PARP15: variants seen among roughly 807,000 people sequenced by gnomAD.
PARP15 encodes protein mono-ADP-ribosyltransferase PARP15.
PARP15 carries 50 observed loss-of-function variants against 62.1 expected under a neutral mutation model. That is an observed-to-expected ratio of 0.81 (90% CI 0.64 to 1.02). The LOEUF (loss-of-function observed/expected upper bound fraction) is 1.02, where lower values mean the gene tolerates loss of function less well. Among genes scored for constraint, PARP15 ranks in the 50% least tolerant of loss-of-function variants. PARP15 has a pLI of 0.00. For synonymous variants in PARP15, 309 were observed against 293.1 expected (o/e 1.05, Z -0.55); for missense variants, 820 against 826.5 (o/e 0.99, Z 0.10).
chr3:122,620,554 T>C (rs1440916264), intron 7 of PARP15, among the ~76,000 whole-genome samples: 1 of 152,202 alleles, frequency 6.6e-6, no homozygotes, highest in Non-Finnish European at 1.5e-5. Context: ...TTAAGAAATT[T>C]CTCTGGAGTG....
chr3:122,613,490 AGAAAGAAGT>A (rs1211373864), intron 4 of PARP15, among the ~76,000 whole-genome samples: 1 of 152,238 alleles, frequency 6.6e-6, no homozygotes, highest in Non-Finnish European at 1.5e-5. Context: ...ATACATTCTT[AGAAAGAAGT>A]GGAAAGTTAT....
At chr3:122,625,411 G>A (rs1936654468) in intron 8 of PARP15, among the ~76,000 whole-genome samples, 2 of 152,084 alleles carry the variant, frequency 1.3e-5, no homozygotes, top group African/African-American at 4.8e-5. Context: ...CCGCCACCAT[G>A]GCTGGCTAAT....
At chr3:122,630,386 A>G (rs1433062506) in intron 9 of PARP15, among the ~76,000 whole-genome samples, 1 of 152,146 alleles carries the variant, frequency 6.6e-6, no homozygotes, top group Non-Finnish European at 1.5e-5. Context: ...TTTATTCCTT[A>G]TTAATATACA....
At chr3:122,600,856 C>T (rs1934731602) in intron 1 of PARP15, among the ~76,000 whole-genome samples, 2 of 150,314 alleles carry the variant, frequency 1.3e-5, no homozygotes, top group African/African-American at 2.5e-5. Flanking sequence ...AAAAATTTAG[C>T]GAAAGCGGAA....
At chr3:122,617,773 G>A (rs1472292860) in intron 6 of PARP15, among the ~76,000 whole-genome samples, 1 of 152,188 alleles carries the variant, frequency 6.6e-6, no homozygotes, top group Non-Finnish European at 1.5e-5. Context: ...CTGTCGCCCA[G>A]GCTGGAATGC....
At chr3:122,592,142 T>A (rs1933976231) in intron 1 of PARP15, among the ~76,000 whole-genome samples, 1 of 152,226 alleles carries the variant, frequency 6.6e-6, no homozygotes, top group African/African-American at 2.4e-5. Flanking sequence ...CATGCATACA[T>A]ATGTTCATTA....
At chr3:122,594,739 A>G in intron 1 of PARP15, 1 of 975,550 alleles carries the variant, frequency 1.0e-6, no homozygotes, top group Non-Finnish European at 1.2e-6. Flanking sequence ...GTTGATTTTT[A>G]CTTCTAGATG....
intron 1 of PARP15, among the ~76,000 whole-genome samples, chr3:122,584,409 A>G (rs556126549): frequency 3.3e-5 from 5 of 152,114 alleles, no homozygotes; most frequent in Middle Eastern, 3.4e-3. Context: ...ATATAATTGC[A>G]TTAGTTAGTT....
chr3:122,584,374 A>C (rs1933231868), intron 1 of PARP15, among the ~76,000 whole-genome samples: 1 of 152,010 alleles, frequency 6.6e-6, no homozygotes, highest in Non-Finnish European at 1.5e-5. Context: ...ATCTTTTTCT[A>C]TTCTATGATC....
At position 122,611,355 on chromosome 3, in the gene PARP15, C is replaced by A. The variant is rs184098971; in HGVS notation, c.543+625C>A. 2.0e-4 allele frequency among the ~76,000 whole-genome samples: 30 copies of A among 152,040 alleles called. No individual in the cohort carries two copies. In the East Asian group the frequency reaches 5.0e-3, roughly 25 times the overall value. ...GTTTTCTTCTTCTTCTTTTTGAGAC[C>A]GAGTTTCGCTCTGTTGCCCAGGCTG... On this transcript the variant is annotated intron_variant, in intron 3 of 11. Transcript: ENST00000464300.
chr3:122,586,492 G>A (rs1933439937), intron 1 of PARP15, among the ~76,000 whole-genome samples: 2 of 149,700 alleles, frequency 1.3e-5, no homozygotes, highest in African/African-American at 2.5e-5. Flanking sequence ...TTACAGGCAT[G>A]AGCCAACATG....
chr3:122,606,536 C>G (rs74695419), intron 2 of PARP15, among the ~76,000 whole-genome samples: 2 of 152,184 alleles, frequency 1.3e-5, no homozygotes. Context: ...GCCTACCCCT[C>G]CTCTCCTACT....
Position 122,621,574 on chromosome 3 carries a change from G to A in PARP15, c.1194G>A (p.Arg398=), listed in dbSNP as rs1303050541. 2.5e-6 allele frequency: 4 copies of A among 1,608,550 alleles called. No individual in the cohort carries two copies. The highest frequency in any genetic ancestry group is 2.5e-6 in the Non-Finnish European group (3 of 1,178,492). The change falls in exon 8 of 12, where the codon AGG becomes AGA. Residue 398 remains arginine (R), a synonymous_variant. Coordinates refer to ENST00000464300, the MANE Select transcript of PARP15 (RefSeq NM_001113523.3). The part of the protein sequence containing the change: ...VTSVLEECEQ[R]KYTSVSLPAI... Reference sequence around the variant, plus strand: ...GTGTTCTAGAAGAGTGTGAACAGAGGAAGTACACATCGGTTTCCCTTCCAG... The same window carrying A: ...GTGTTCTAGAAGAGTGTGAACAGAGAAAGTACACATCGGTTTCCCTTCCAG...
Position 122,617,102 on chromosome 3 carries a change from T to G in PARP15, c.938T>G (p.Ile313Arg), listed in dbSNP as rs774291504. The G allele has an allele frequency of 3.1e-6, 5 of 1,614,086 alleles. No homozygotes were observed. Among genetic ancestry groups the G allele is most frequent in the Non-Finnish European group, 4.2e-6 (5 of 1,179,928 alleles). Residue 313 changes from isoleucine to arginine, a missense_variant, in exon 6 of 12, where the codon ATA becomes AGA. This residue lies in a region of PARP15 where 731 missense variants were observed against 727.7 expected (regional missense o/e 1.00). Coordinates refer to ENST00000464300, the MANE Select transcript of PARP15 (RefSeq NM_001113523.3). ...AITFQVATGD[I>R]ATEQVDVIVN... ...ACTTTTCAGGTTGCTACTGGAGATA[T>G]AGCCACTGAACAGGTAGATGTTATT... is the stretch of plus-strand genomic sequence containing the variant.
At chr3:122,581,302 C>A (rs948641134) in intron 1 of PARP15, among the ~76,000 whole-genome samples, 146 of 152,208 alleles carry the variant, frequency 9.6e-4, no homozygotes, top group African/African-American at 3.3e-3. Context: ...TCCATAGCAA[C>A]CAAATCATTT....
At chr3:122,633,344 A>G (rs955209965) in intron 10 of PARP15, among the ~76,000 whole-genome samples, 1 of 152,210 alleles carries the variant, frequency 6.6e-6, no homozygotes, top group African/African-American at 2.4e-5. Flanking sequence ...AGATAGAGAC[A>G]TCCTGCAGGA....
At chr3:122,584,964 G>T (rs1466535109) in intron 1 of PARP15, among the ~76,000 whole-genome samples, 2 of 152,014 alleles carry the variant, frequency 1.3e-5, no homozygotes, top group Non-Finnish European at 2.9e-5. Context: ...AATCATGTTG[G>T]TTTTTTTCCT....
At chr3:122,590,990 T>G (rs1933866276) in intron 1 of PARP15, among the ~76,000 whole-genome samples, 1 of 152,232 alleles carries the variant, frequency 6.6e-6, no homozygotes, top group African/African-American at 2.4e-5. Context: ...TCCCCATGAT[T>G]TGGTGAGTAA....
intron 7 of PARP15, among the ~76,000 whole-genome samples, chr3:122,620,605 A>C (rs952305438): frequency 6.6e-6 from 1 of 152,148 alleles, no homozygotes; most frequent in African/African-American, 2.4e-5. Flanking sequence ...GTAATATTTG[A>C]TTACTAACAT....
Sources: allele counts gnomAD v4.1 joint callset (sites outside exome capture counted in the v4.1 genomes callset), GRCh38; gene constraint gnomAD v4.1.1; regional missense constraint gnomAD v4.1.1; transcripts MANE v1.5; gene names NCBI Gene and HGNC (gene_info 2026-07-23, HGNC 2026-07-21).